The following BRINP2 variants were observed in gnomAD, a reference collection of about 807,000 sequenced individuals.
BRINP2 encodes the protein BMP/retinoic acid inducible neural specific 2.
A neutral mutation model predicts 69.2 loss-of-function variants in BRINP2; 21 were observed. That is an observed-to-expected ratio of 0.30 (90% CI 0.22 to 0.44). The LOEUF (loss-of-function observed/expected upper bound fraction) is 0.44, where lower values mean the gene tolerates loss of function less well. Ranked by LOEUF, BRINP2 falls within the 20% of genes least tolerant of loss-of-function variation. BRINP2 has a pLI of 1.00. For synonymous variants in BRINP2, 380 were observed against 394.1 expected, an observed-to-expected ratio of 0.96 and a Z score of 0.42; for missense variants, 877 against 986.0, an observed-to-expected ratio of 0.89 and a Z score of 1.48.
intron 1 of BRINP2, among the ~76,000 whole-genome samples, chr1:177,176,478 C>A (rs1648089571): frequency 6.7e-6 from 1 of 150,332 alleles, no homozygotes; most frequent in African/African-American, 2.4e-5. Context: ...TTTAATGTGG[C>A]TACTAGAAAA....
At chr1:177,272,213 T>G (rs1651349582) in intron 4 of BRINP2, among the ~76,000 whole-genome samples, 1 of 152,192 alleles carries the variant, frequency 6.6e-6, no homozygotes, top group African/African-American at 2.4e-5. Flanking sequence ...TTGTTTCCCT[T>G]TGTTTAGAGC....
chr1:177,201,275 G>A (rs1003705974), intron 1 of BRINP2, among the ~76,000 whole-genome samples: 4 of 152,228 alleles, frequency 2.6e-5, no homozygotes, highest in East Asian at 1.9e-4. Context: ...TGATGGCACA[G>A]CTATGCCTTT....
intron 1 of BRINP2, among the ~76,000 whole-genome samples, chr1:177,222,565 A>C (rs1156528180): frequency 6.6e-6 from 1 of 151,462 alleles, no homozygotes; most frequent in Non-Finnish European, 1.5e-5. Flanking sequence ...ACCCACCTCA[A>C]CCTCCCAAGG....
intron 2 of BRINP2, among the ~76,000 whole-genome samples, chr1:177,252,815 A>G (rs1650624717): frequency 6.6e-6 from 1 of 152,078 alleles, no homozygotes; most frequent in South Asian, 2.1e-4. Flanking sequence ...GAGTGAGGTT[A>G]TGTGGTATTT....
At position 177,268,945 on chromosome 1, in the gene BRINP2, C is replaced by T. The variant is rs143624302; in HGVS notation, c.670-4543C>T. 7.7e-4 allele frequency among the ~76,000 whole-genome samples: 117 copies of T among 152,302 alleles called. 1 individual carries two copies. Among genetic ancestry groups the T allele is most frequent in the African/African-American group, 2.7e-3 (111 of 41,556 alleles). ...CATTGAACTCTATTTCTGTCATCCACGATGCATATTACCAACTATCTGACT... is the reference window on the plus strand; with the variant it reads ...CATTGAACTCTATTTCTGTCATCCATGATGCATATTACCAACTATCTGACT... On this transcript the variant is annotated intron_variant, in intron 4 of 7. Transcript: ENST00000361539.
intron 2 of BRINP2, among the ~76,000 whole-genome samples, chr1:177,233,227 C>A (rs1340055909): frequency 3.3e-5 from 5 of 152,198 alleles, no homozygotes. Context: ...TGTATTCATA[C>A]AGACATAGGT....
At chr1:177,212,098 TAG>T in intron 1 of BRINP2, among the ~76,000 whole-genome samples, 1 of 151,456 alleles carries the variant, frequency 6.6e-6, no homozygotes, top group Admixed American at 6.6e-5. Flanking sequence ...GATAGATAGA[TAG>T]ATAGATAGAT....
Position 177,280,612 on chromosome 1 carries a change from G to A in BRINP2, c.1436G>A (p.Ser479Asn), listed in dbSNP as rs758914856. The A allele has an allele frequency of 7.4e-6, 12 of 1,614,044 alleles. 1 individual carries two copies. The South Asian group carries it at 8.8e-5, about 12-fold the overall frequency. ...CAPDNSTRCGSCNPGYVLAQG... is the reference protein window; with the variant it reads ...CAPDNSTRCGNCNPGYVLAQG... ...CCAGACAATAGCACACGCTGTGGGAGCTGCAACCCGGGCTATGTGCTGGCC... is the reference window on the plus strand; with the variant it reads ...CCAGACAATAGCACACGCTGTGGGAACTGCAACCCGGGCTATGTGCTGGCC... The change falls in exon 8 of 8, where the codon AGC becomes AAC. Residue 479 changes from serine to asparagine, a missense_variant. Ser to Asn is a conservative substitution (Grantham distance 46). Coordinates refer to ENST00000361539, the MANE Select transcript of BRINP2 (RefSeq NM_021165.4).
At position 177,280,536 on chromosome 1, in the gene BRINP2, G is replaced by A. The variant is rs765963894; in HGVS notation, c.1360G>A (p.Gly454Ser). ...CCCCTATGACCAATCTTCCTGCCAG[G>A]GCCCCATCCCATGTGCCTTGGGCGA... Reference protein sequence around the residue: ...TCPYDQSSCQGPIPCALGEGP... With the variant: ...TCPYDQSSCQSPIPCALGEGP... The change falls in exon 8 of 8, where the codon GGC (glycine) becomes AGC (serine). Residue 454 changes from glycine to serine, a missense_variant. Transcript: ENST00000361539. 45 of 1,614,046 alleles carry A rather than the reference G, an allele frequency of 2.8e-5. 1 individual carries two copies. Among genetic ancestry groups the A allele is most frequent in the Non-Finnish European group, 2.9e-5 (34 of 1,180,042 alleles).
rs80205751 is a variant in BRINP2, at chr1:177,227,114, G to A, written c.-76-2687G>A. On this transcript the variant is annotated intron_variant, in intron 1 of 7. Transcript: ENST00000361539. ...ACTGATTAGCAACCAGATCATGGGA[G>A]TGACATCCCATCATACTCACAGGTC... Among the ~76,000 whole-genome samples the A allele has an allele frequency of 1.3e-3, 198 of 152,308 alleles. 1 individual carries two copies. Among genetic ancestry groups the A allele is most frequent in the Middle Eastern group, 3.4e-3 (1 of 294 alleles).
At chr1:177,181,977 C>G (rs1348853411) in intron 1 of BRINP2, among the ~76,000 whole-genome samples, 6 of 152,224 alleles carry the variant, frequency 3.9e-5, no homozygotes, top group Non-Finnish European at 7.3e-5. Flanking sequence ...TAAGTACACT[C>G]CGGCAAGCTC....
intron 4 of BRINP2, among the ~76,000 whole-genome samples, chr1:177,258,935 T>C (rs1221244115): frequency 6.6e-6 from 1 of 152,178 alleles, no homozygotes; most frequent in African/African-American, 2.4e-5. Context: ...ATTAGGCCAA[T>C]TATTAACCTT....
intron 4 of BRINP2, among the ~76,000 whole-genome samples, chr1:177,266,501 T>C (rs1260888175): frequency 2.6e-5 from 4 of 152,086 alleles, no homozygotes; most frequent in African/African-American, 9.7e-5. Context: ...GGCTCACGCC[T>C]GTAATCCCAG....
chr1:177,181,095 A>T (rs1377435779), intron 1 of BRINP2, among the ~76,000 whole-genome samples: 1 of 152,222 alleles, frequency 6.6e-6, no homozygotes, highest in East Asian at 1.9e-4. Context: ...TAAAATGGGT[A>T]CAGAGAGGTT....
intron 1 of BRINP2, among the ~76,000 whole-genome samples, chr1:177,175,972 G>A (rs982097109): frequency 6.6e-5 from 10 of 152,206 alleles, no homozygotes; most frequent in Admixed American, 1.3e-4. Context: ...GGAAGAGACA[G>A]ACAGCCGAGT....
intron 1 of BRINP2, among the ~76,000 whole-genome samples, chr1:177,207,608 C>T (rs1384831112): frequency 6.6e-6 from 1 of 152,160 alleles, no homozygotes; most frequent in African/African-American, 2.4e-5. Flanking sequence ...AAGTCTAAAC[C>T]TCAGAATCTG....
intron 3 of BRINP2, chr1:177,256,771 A>G (rs1650775266): frequency 3.6e-6 from 4 of 1,106,106 alleles, no homozygotes; most frequent in South Asian, 4.8e-5. Context: ...GCAGGTGTTG[A>G]GTGTTTGATG....
intron 1 of BRINP2, among the ~76,000 whole-genome samples, chr1:177,196,618 CA>C (rs796466911): frequency 1.8e-3 from 245 of 136,898 alleles, no homozygotes; most frequent in Middle Eastern, 0.015. Context: ...AACTCCATCT[CA>C]AAAAAAAAAA....
chr1:177,260,318 T>C (rs535110684), intron 4 of BRINP2, among the ~76,000 whole-genome samples: 1 of 152,220 alleles, frequency 6.6e-6, no homozygotes, highest in Non-Finnish European at 1.5e-5. Flanking sequence ...TTGCTTCTTA[T>C]GAATGAGCAA....
Sources: allele counts gnomAD v4.1 joint callset (sites outside exome capture counted in the v4.1 genomes callset), GRCh38; gene constraint gnomAD v4.1.1; transcripts MANE v1.5; gene names NCBI Gene and HGNC (gene_info 2026-07-23, HGNC 2026-07-21).